The following EXT1 variants were observed in gnomAD, a reference collection of about 807,000 sequenced individuals.
The protein encoded by EXT1 is exostosin glycosyltransferase 1.
Under a neutral mutation model 82.5 loss-of-function variants are expected in EXT1, and 20 were observed. That is an observed-to-expected ratio of 0.24 (90% confidence interval 0.17 to 0.35). The LOEUF (loss-of-function observed/expected upper bound fraction) is 0.35, where lower values mean the gene tolerates loss of function less well. EXT1 is among the 10% of genes least tolerant of loss of function. The pLI is 1.00. For missense variants in EXT1, 757 were observed against 936.5 expected (o/e 0.81, Z 2.50); for synonymous variants, 348 against 350.8 (o/e 0.99, Z 0.09).
At chr8:117,873,059 A>G (rs1183608554) in intron 1 of EXT1, among the ~76,000 whole-genome samples, 3 of 152,190 alleles carry the variant, frequency 2.0e-5, no homozygotes, top group African/African-American at 7.2e-5. Context: ...GGAAGTGATT[A>G]GGTCATGAGG....
chr8:118,011,504 T>G (rs1236749165), intron 1 of EXT1, among the ~76,000 whole-genome samples: 1 of 152,238 alleles, frequency 6.6e-6, no homozygotes, highest in African/African-American at 2.4e-5. Flanking sequence ...ATACTGGATC[T>G]GAGTCACCAT....
intron 1 of EXT1, among the ~76,000 whole-genome samples, chr8:118,081,471 G>T (rs182831314): frequency 3.9e-4 from 59 of 152,286 alleles, no homozygotes; most frequent in African/African-American, 1.4e-3. Context: ...CAGATCATCT[G>T]CTAGGATGTA....
At chr8:117,834,498 G>T (rs1351366391) in intron 3 of EXT1, among the ~76,000 whole-genome samples, 1 of 151,998 alleles carries the variant, frequency 6.6e-6, no homozygotes, top group Non-Finnish European at 1.5e-5. Context: ...CCAGCTCCTC[G>T]GGAGGCTGAG....
intron 1 of EXT1, among the ~76,000 whole-genome samples, chr8:117,997,149 A>T (rs895923037): frequency 1.3e-5 from 2 of 151,954 alleles, no homozygotes; most frequent in Admixed American, 1.3e-4. Flanking sequence ...ACTAGGGAAG[A>T]GGGAGAGTCT....
intron 10 of EXT1, among the ~76,000 whole-genome samples, chr8:117,801,846 G>A (rs1183026833): frequency 4.4e-4 from 67 of 152,172 alleles, no homozygotes; most frequent in African/African-American, 1.6e-3. Flanking sequence ...CCCAAAGGGT[G>A]CTGTACCCAG....
intron 1 of EXT1, among the ~76,000 whole-genome samples, chr8:118,044,971 C>A (rs1354550773): frequency 6.6e-6 from 1 of 152,222 alleles, no homozygotes; most frequent in Non-Finnish European, 1.5e-5. Flanking sequence ...TGGCGCTTCA[C>A]AGAAAAAGTT....
chr8:117,923,761 GA>G (rs1364171972), intron 1 of EXT1, among the ~76,000 whole-genome samples: 1 of 150,960 alleles, frequency 6.6e-6, no homozygotes, highest in Non-Finnish European at 1.5e-5. Context: ...GGAGTATAAA[GA>G]TGACCCAACT....
chr8:118,042,532 T>G (rs1816551689), intron 1 of EXT1, among the ~76,000 whole-genome samples: 1 of 152,132 alleles, frequency 6.6e-6, no homozygotes, highest in Admixed American at 6.6e-5. Context: ...TGACCTCAAG[T>G]GATCCACCCA....
chr8:118,093,773 G>A lies in EXT1; in HGVS notation c.962+16312C>T, dbSNP rs6999412. On this transcript the variant is annotated intron_variant, in intron 1 of 10. Coordinates refer to ENST00000378204, the MANE Select transcript of EXT1 (RefSeq NM_000127.3). ...TCCCAGATCTTCAAATCACAGGCTA[G>A]AATTTCTTCTCTAAGTTTTACCTTG... Among the ~76,000 whole-genome samples the A allele has an allele frequency of 3.2e-3, 493 of 152,320 alleles. 3 individuals are homozygous for A. Among genetic ancestry groups the A allele is most frequent in the African/African-American group, 0.011 (471 of 41,572 alleles).
chr8:117,870,126 A>C (rs997413444), intron 1 of EXT1, among the ~76,000 whole-genome samples: 2 of 152,150 alleles, frequency 1.3e-5, no homozygotes, highest in Non-Finnish European at 2.9e-5. Context: ...AAATGAAAAA[A>C]CTTCATCTAA....
intron 1 of EXT1, among the ~76,000 whole-genome samples, chr8:118,055,642 C>T (rs1282100968): frequency 1.3e-5 from 2 of 151,968 alleles, no homozygotes; most frequent in African/African-American, 4.8e-5. Context: ...GTCATTTGGA[C>T]CCATCCCTTG....
At chr8:117,809,289 C>A (rs1823284869) in intron 8 of EXT1, among the ~76,000 whole-genome samples, 1 of 142,656 alleles carries the variant, frequency 7.0e-6, no homozygotes, top group African/African-American at 2.6e-5. Context: ...TAATACACTG[C>A]CCTATCTTAA....
Position 117,936,725 on chromosome 8 carries a change from A to G in EXT1, c.963-99524T>C, listed in dbSNP as rs146645385. Among the ~76,000 whole-genome samples the G allele has an allele frequency of 9.4e-3, 1,426 of 152,228 alleles. 26 individuals carry two copies. The highest frequency in any genetic ancestry group is 0.033 in the African/African-American group (1,357 of 41,536). ...CGCTGTCTCTACTAAAAATACAAAA[A>G]TTAGCCAGGCGTGGTGGCACGCACC... On this transcript the variant is annotated intron_variant, in intron 1 of 10. Coordinates refer to ENST00000378204, the MANE Select transcript of EXT1 (RefSeq NM_000127.3).
Position 117,979,379 on chromosome 8 carries a change from C to CAAACAAACAAAA in EXT1, c.962+130705_962+130706insTTTTGTTTGTTT, listed in dbSNP as rs1043635252. 6.9e-5 allele frequency among the ~76,000 whole-genome samples: 8 copies of CAAACAAACAAAA among 116,134 alleles called. No homozygotes were observed. In the East Asian group the frequency reaches 1.7e-3, roughly 25 times the overall value. 76.2% of individuals were successfully genotyped at this position (116,134 alleles called of 152,430 possible). A position where few individuals can be genotyped will look rare whatever the true frequency, so the allele number is the denominator to read the frequency against. On this transcript the variant is annotated intron_variant, in intron 1 of 10. Coordinates refer to ENST00000378204, the MANE Select transcript of EXT1 (RefSeq NM_000127.3). Reference sequence around the variant, plus strand: ...AAAAACAAACAAACAAACAAACAAACAAAAAAACAAAACAAAAAAAGATCC... The same window carrying CAAACAAACAAAA: ...AAAAACAAACAAACAAACAAACAAACAAACAAACAAAAAAAAAAACAAAACAAAAAAAGATCC...
chr8:117,882,302 C>T (rs1183469519), intron 1 of EXT1, among the ~76,000 whole-genome samples: 2 of 152,098 alleles, frequency 1.3e-5, no homozygotes, highest in African/African-American at 4.8e-5. Context: ...AGGCTGGTCT[C>T]GAACTCCTGA....
rs546212873 is a variant in EXT1 at position 118,090,890 on chromosome 8, C to A, written c.962+19195G>T. Among the ~76,000 whole-genome samples, 3 of 149,322 alleles carry A rather than the reference C, an allele frequency of 2.0e-5. No homozygotes were observed. In the South Asian group the frequency reaches 6.4e-4, roughly 32 times the overall value. On this transcript the variant is annotated intron_variant, in intron 1 of 10. Transcript: ENST00000378204. ...CAGGTTTATACTAAGGGATCAGAGTCCAGGAAAGCTGTTTTGTACCACAGG... is the reference window on the plus strand; with the variant it reads ...CAGGTTTATACTAAGGGATCAGAGTACAGGAAAGCTGTTTTGTACCACAGG...
intron 1 of EXT1, among the ~76,000 whole-genome samples, chr8:118,092,404 G>A (rs1227923943): frequency 6.6e-6 from 1 of 152,048 alleles, no homozygotes; most frequent in Non-Finnish European, 1.5e-5. Flanking sequence ...GTGGACTCTG[G>A]GATACAGAGG....
chr8:118,108,084 T>C (rs1462154134), intron 1 of EXT1, among the ~76,000 whole-genome samples: 2 of 152,232 alleles, frequency 1.3e-5, no homozygotes, highest in Admixed American at 1.3e-4. Context: ...AAAAATTAGT[T>C]AAATTTAGTA....
intron 1 of EXT1, among the ~76,000 whole-genome samples, chr8:117,939,265 A>G (rs1274339257): frequency 4.6e-5 from 7 of 152,270 alleles, no homozygotes; most frequent in Admixed American, 4.6e-4. Context: ...AGCAGGTACC[A>G]CTGTTGTTTC....
Sources: gnomAD v4.1 joint callset for allele counts (sites outside exome capture counted in the v4.1 genomes callset) on GRCh38, gnomAD v4.1.1 for gene constraint, MANE v1.5 for transcripts, NCBI Gene and HGNC (gene_info 2026-07-23, HGNC 2026-07-21) for gene names.